NEK4: variants seen among roughly 807,000 people sequenced by gnomAD.
NEK4 encodes the protein NIMA related kinase 4.
In NEK4, 86 loss-of-function variants were observed where a neutral mutation model predicts 98.4. That is an observed-to-expected ratio of 0.87 (90% CI 0.73 to 1.05). The LOEUF (loss-of-function observed/expected upper bound fraction) is 1.05. NEK4 is among the 50% of genes least tolerant of loss of function. The probability of loss-of-function intolerance (pLI) is 0.00; values close to 1 mark genes in which losing one functional copy is unlikely to be tolerated. For missense variants in NEK4, 898 were observed against 950.3 expected, an observed-to-expected ratio of 0.94 and a Z score of 0.72; for synonymous variants, 328 against 342.2, an observed-to-expected ratio of 0.96 and a Z score of 0.46.
intron 4 of NEK4, among the ~76,000 whole-genome samples, chr3:52,764,509 T>C (rs908555989): frequency 6.6e-6 from 1 of 151,600 alleles, no homozygotes; most frequent in Admixed American, 6.6e-5. Flanking sequence ...CGGGCACCTG[T>C]AGTCCCAGCT....
In NEK4 at chr3:52,737,613, CA is replaced by C. The variant is rs1301205157; in HGVS notation, c.2405del (p.Leu802TrpfsTer26). The C allele has an allele frequency of 6.2e-7, 1 of 1,613,864 alleles. No homozygotes were observed. The highest frequency in any genetic ancestry group is 8.5e-7 in the Non-Finnish European group (1 of 1,179,818). Reference sequence around the variant, plus strand: ...CTCTATCAAATTCATCCTCCTCCTCCAAAAGATCATACACCTGCTCTAAAAG... The same window carrying C: ...CTCTATCAAATTCATCCTCCTCCTCCAAAGATCATACACCTGCTCTAAAAG... The part of the protein sequence containing the change: ...VQLLEQVYDL[L>X]EEEDEFDREV... On this transcript the variant is annotated frameshift_variant, in exon 15 of 16. Coordinates refer to ENST00000233027, the MANE Select transcript of NEK4 (RefSeq NM_003157.6). LOFTEE classifies it high-confidence loss of function.
intron 14 of NEK4, among the ~76,000 whole-genome samples, chr3:52,739,158 G>C (rs1363946524): frequency 2.6e-5 from 4 of 152,184 alleles, no homozygotes; most frequent in Non-Finnish European, 4.4e-5. Context: ...CCAACACTTT[G>C]GGAGGCCAAG....
chr3:52,739,319 A>G (rs529543422), intron 14 of NEK4, 110 bp downstream of exon 14: 1 of 844,112 alleles, frequency 1.2e-6, no homozygotes, highest in South Asian at 1.5e-5. Context: ...GAATCGCTTG[A>G]ACCCGGGAGG....
chr3:52,747,023 T>TA lies in NEK4; in HGVS notation c.1507-120dup, dbSNP rs1325061058. The stretch of plus-strand genomic sequence containing the variant: ...TTAGCATGAAAACTTTCCTCAGTTT[T>TA]AAAAACTGGTTTCCATATTGCAATT... On this transcript the variant is annotated intron_variant, in intron 8 of 15. Transcript: ENST00000233027. 59 of 724,374 alleles carry TA rather than the reference T, an allele frequency of 8.1e-5. No homozygotes were observed. The East Asian group carries it at 1.5e-3, about 18-fold the overall frequency. The allele number at this position is 724,374 out of a possible 1,614,324, so 44.9% of individuals were successfully genotyped here. A position where few individuals can be genotyped will look rare whatever the true frequency, so the allele number is the denominator to read the frequency against.
chr3:52,760,538 G>T (rs1228415680), intron 6 of NEK4, among the ~76,000 whole-genome samples: 2 of 152,154 alleles, frequency 1.3e-5, no homozygotes, highest in African/African-American at 4.8e-5. Context: ...CTTTAAAATG[G>T]TTAATTTTGT....
chr3:52,719,982 G>A (rs1427211693), intron 15 of NEK4, among the ~76,000 whole-genome samples: 2 of 152,116 alleles, frequency 1.3e-5, no homozygotes, highest in African/African-American at 2.4e-5. Context: ...CAGAAGAGGA[G>A]AGACAGGAGC....
intron 12 of NEK4, among the ~76,000 whole-genome samples, chr3:52,742,829 A>C (rs957818001): frequency 6.6e-6 from 1 of 152,166 alleles, no homozygotes; most frequent in Non-Finnish European, 1.5e-5. Flanking sequence ...TTGCTCTGTC[A>C]CCTAGGCTAA....
At chr3:52,767,274 ACT>A (rs1264116928) in intron 2 of NEK4, among the ~76,000 whole-genome samples, 3 of 151,730 alleles carry the variant, frequency 2.0e-5, no homozygotes, top group Non-Finnish European at 4.4e-5. Context: ...CGACAGTGAC[ACT>A]CTGTCTTAAA....
At chr3:52,746,344 ACT>A (rs1021518242) in intron 9 of NEK4, 134 bp from the exon 10 acceptor site, 4 of 806,902 alleles carry the variant, frequency 5.0e-6, no homozygotes, top group Non-Finnish European at 5.8e-6. Context: ...TTTTGGAAAG[ACT>A]CTGCCAAAAG....
intron 15 of NEK4, among the ~76,000 whole-genome samples, chr3:52,730,846 C>A (rs1268782582): frequency 1.3e-5 from 2 of 152,010 alleles, no homozygotes; most frequent in African/African-American, 2.4e-5. Context: ...CTCAGAGAGA[C>A]AGAAAGTAGA....
chr3:52,751,880 C>T (rs553029604), intron 7 of NEK4, 52 bp downstream of exon 7: 8 of 1,510,142 alleles, frequency 5.3e-6, no homozygotes, highest in South Asian at 1.2e-5. Flanking sequence ...TTTGTAACTG[C>T]ACTTTCAGTC....
At chr3:52,734,497 AC>A (rs1346336560) in intron 15 of NEK4, among the ~76,000 whole-genome samples, 2 of 149,676 alleles carry the variant, frequency 1.3e-5, no homozygotes, top group Non-Finnish European at 3.0e-5. Context: ...ACATGGTGAA[AC>A]CCTGTCCCTA....
At chr3:52,768,665 G>GT (rs1698670333) in intron 1 of NEK4, 61 bp from the exon 2 acceptor site, 1 of 1,509,662 alleles carries the variant, frequency 6.6e-7, no homozygotes, top group African/African-American at 1.4e-5. Flanking sequence ...TGGCCTCAGA[G>GT]TTATCTAAGG....
At position 52,739,650 on chromosome 3, in the gene NEK4, ATCCCTTTGTTATTTAAT is replaced by A; in HGVS notation, c.2094-33_2094-17del. ...CTGACCTTTCCTGGGGGAAAAAAAT[ATCCCTTTGTTATTTAAT>A]TGGCTTCATGAGAATTTTTCATTAA... On this transcript the variant is annotated splice_polypyrimidine_tract_variant and intron_variant, in intron 13 of 15. Transcript: ENST00000233027. The A allele has an allele frequency of 6.3e-7, 1 of 1,596,028 alleles. No individual in the cohort carries two copies. The highest frequency in any genetic ancestry group is 8.6e-7 in the Non-Finnish European group (1 of 1,166,188).
chr3:52,739,355 C>T, intron 14 of NEK4, 74 bp downstream of exon 14: 1 of 1,280,176 alleles, frequency 7.8e-7, no homozygotes, highest in South Asian at 1.2e-5. Flanking sequence ...GCCAAGATCA[C>T]ACTACTGCAC....
chr3:52,734,763 A>G, intron 15 of NEK4: 1 of 237,698 alleles, frequency 4.2e-6, no homozygotes, highest in Non-Finnish European at 8.5e-6. Flanking sequence ...CAAGTCTACA[A>G]CATTGAATTC....
chr3:52,746,086 C>T lies in NEK4; in HGVS notation c.1802G>A (p.Arg601Lys). ...RVVTGSVSSSRSSEMSSSKDR... is the reference protein window; with the variant it reads ...RVVTGSVSSSKSSEMSSSKDR... ...CTTTGATGATGACATCTCACTGCTC[C>T]TTGAACTGCTCACAGACCCAGTGAC... Residue 601 changes from arginine to lysine, a missense_variant, in exon 10 of 16, where the codon AGG becomes AAG. Physicochemically the swap from Arg to Lys is conservative, Grantham distance 26 (BLOSUM62 2). Coordinates refer to ENST00000233027, the MANE Select transcript of NEK4 (RefSeq NM_003157.6). 6.2e-7 allele frequency: 1 copy of T among 1,614,172 alleles called. No individual in the cohort carries two copies. Among genetic ancestry groups the T allele is most frequent in the Non-Finnish European group, 8.5e-7 (1 of 1,180,030 alleles).
chr3:52,726,181 AC>A (rs1331662602), intron 15 of NEK4, among the ~76,000 whole-genome samples: 1 of 152,256 alleles, frequency 6.6e-6, no homozygotes, highest in African/African-American at 2.4e-5. Context: ...ACCTAAATGT[AC>A]AAATGAGGAT....
At chr3:52,766,024 T>C (rs911449748) in intron 3 of NEK4, 30 bp from the exon 4 acceptor site, 1 of 1,500,598 alleles carries the variant, frequency 6.7e-7, no homozygotes, top group African/African-American at 1.4e-5. Flanking sequence ...AACGGTTAAA[T>C]GTCAGAATAG....
Sources: gnomAD v4.1 joint callset for allele counts (sites outside exome capture counted in the v4.1 genomes callset) on GRCh38, gnomAD v4.1.1 for gene constraint, MANE v1.5 for transcripts, NCBI Gene and HGNC (gene_info 2026-07-23, HGNC 2026-07-21) for gene names.